Variants in PLEKHA2 observed in about 807,000 individuals in gnomAD.
PLEKHA2 encodes pleckstrin homology domain-containing family A member 2.
In PLEKHA2, 28 loss-of-function variants were observed where a neutral mutation model predicts 53.2. That is an observed-to-expected ratio of 0.53 (90% confidence interval 0.39 to 0.72). PLEKHA2 has a LOEUF of 0.72. Among genes scored for constraint, PLEKHA2 ranks in the 30% least tolerant of loss-of-function variants. The pLI is 0.00. For synonymous variants in PLEKHA2, 193 were observed against 196.4 expected (o/e 0.98, Z 0.14); for missense variants, 426 against 537.9 (o/e 0.79, Z 2.06).
At chr8:38,903,130 C>T (rs1175021895) in intron 1 of PLEKHA2, among the ~76,000 whole-genome samples, 1 of 152,214 alleles carries the variant, frequency 6.6e-6, no homozygotes, top group African/African-American at 2.4e-5. Context: ...TGTGGTTGTT[C>T]CTCAAACCTG....
chr8:38,945,827 G>A (rs1272735476), intron 4 of PLEKHA2, among the ~76,000 whole-genome samples: 1 of 152,166 alleles, frequency 6.6e-6, no homozygotes, highest in Non-Finnish European at 1.5e-5. Context: ...TCTTGTTGAC[G>A]GCAGACCAGC....
intron 11 of PLEKHA2, 82 bp from the exon 12 acceptor site, chr8:38,969,339 T>C (rs1408285027): frequency 6.7e-7 from 1 of 1,490,326 alleles, no homozygotes; most frequent in African/African-American, 1.4e-5. Context: ...CCTGGTTGGG[T>C]ACTCTTTCTG....
At chr8:38,918,272 A>G (rs1466359766) in intron 2 of PLEKHA2, among the ~76,000 whole-genome samples, 1 of 150,970 alleles carries the variant, frequency 6.6e-6, no homozygotes, top group Non-Finnish European at 1.5e-5. Flanking sequence ...CCCCATACAC[A>G]CCACACACAC....
intron 9 of PLEKHA2, among the ~76,000 whole-genome samples, chr8:38,955,843 A>G (rs980957088): frequency 2.8e-4 from 43 of 152,140 alleles, no homozygotes; most frequent in Non-Finnish European, 5.0e-4. Flanking sequence ...TTGTTGAGAT[A>G]GAGTCTTGCT....
chr8:38,932,280 G>T (rs904328180), intron 2 of PLEKHA2, among the ~76,000 whole-genome samples: 3 of 152,210 alleles, frequency 2.0e-5, no homozygotes, highest in Non-Finnish European at 4.4e-5. Context: ...ACAGGTGTGC[G>T]CCACTGCACC....
rs547836812 is a variant in PLEKHA2 at position 38,923,499 on chromosome 8, G to A, written c.141+5429G>A. ...TGGGATTACAGGCATGAGCTACCGC[G>A]CCCAGCCTGTAGGTGATCCTTACGT... On this transcript the variant is annotated intron_variant, in intron 2 of 11. Coordinates refer to ENST00000617275, the MANE Select transcript of PLEKHA2 (RefSeq NM_021623.2). Among the ~76,000 whole-genome samples, 126 of 152,272 alleles carry A rather than the reference G, an allele frequency of 8.3e-4. 1 individual carries two copies. Among genetic ancestry groups the A allele is most frequent in the Non-Finnish European group, 1.2e-3 (85 of 68,016 alleles).
intron 3 of PLEKHA2, among the ~76,000 whole-genome samples, chr8:38,941,654 G>A (rs933296463): frequency 2.0e-5 from 3 of 152,204 alleles, no homozygotes; most frequent in African/African-American, 7.2e-5. Flanking sequence ...TGTGTGGAGT[G>A]AGGCTTTAAA....
chr8:38,920,763 T>G (rs541544988), intron 2 of PLEKHA2, among the ~76,000 whole-genome samples: 5 of 151,776 alleles, frequency 3.3e-5, no homozygotes, highest in African/African-American at 1.2e-4. Flanking sequence ...AGGGTCTCAC[T>G]TTGTTGACCA....
chr8:38,942,513 A>G (rs916263880), intron 3 of PLEKHA2, among the ~76,000 whole-genome samples: 4 of 152,194 alleles, frequency 2.6e-5, no homozygotes, highest in East Asian at 1.9e-4. Flanking sequence ...CCCTAGGTGG[A>G]GGACATGTCG....
intron 9 of PLEKHA2, among the ~76,000 whole-genome samples, chr8:38,955,920 C>T (rs1834931015): frequency 1.3e-5 from 2 of 152,218 alleles, no homozygotes; most frequent in African/African-American, 4.8e-5. Context: ...AGGTGATCCT[C>T]CCGCCTCAGC....
intron 1 of PLEKHA2, among the ~76,000 whole-genome samples, chr8:38,904,083 G>A (rs1190570867): frequency 1.3e-5 from 2 of 152,186 alleles, no homozygotes; most frequent in South Asian, 2.1e-4. Flanking sequence ...TATTGAGATG[G>A]GGTATTGGAC....
chr8:38,917,304 C>T (rs1834078315), intron 1 of PLEKHA2, among the ~76,000 whole-genome samples: 1 of 152,110 alleles, frequency 6.6e-6, no homozygotes, highest in Non-Finnish European at 1.5e-5. Context: ...TCCATGTTTG[C>T]TTTGGTTGCC....
intron 2 of PLEKHA2, among the ~76,000 whole-genome samples, chr8:38,926,932 C>A (rs112676696): frequency 0.016 from 2,392 of 152,142 alleles, 60 homozygotes; most frequent in African/African-American, 0.054. Flanking sequence ...AACCAACCAA[C>A]CAAACAAACA....
At chr8:38,958,041 T>G (rs1224515222) in intron 10 of PLEKHA2, among the ~76,000 whole-genome samples, 1 of 152,126 alleles carries the variant, frequency 6.6e-6, no homozygotes, top group Non-Finnish European at 1.5e-5. Flanking sequence ...AAACTGACAC[T>G]TGGCCAGGCG....
At chr8:38,920,390 C>G (rs1487676187) in intron 2 of PLEKHA2, among the ~76,000 whole-genome samples, 3 of 151,930 alleles carry the variant, frequency 2.0e-5, no homozygotes, top group South Asian at 4.2e-4. Flanking sequence ...TCCTGACCTC[C>G]TTATCTGCCC....
chr8:38,969,551 C>T lies in PLEKHA2; in HGVS notation c.1046C>T (p.Ser349Phe). 1 of 1,612,334 alleles carries T rather than the reference C, an allele frequency of 6.2e-7. No individual in the cohort carries two copies. Among genetic ancestry groups the T allele is most frequent in the Non-Finnish European group, 8.5e-7 (1 of 1,179,142 alleles). ...AAGAAAGCCCTCTGCAAAGCCCCCT[C>T]TGTGGCCTCCTCCTGGCAGCCCTGG... is the stretch of plus-strand genomic sequence containing the variant. Reference protein sequence around the residue: ...EEKKALCKAPSVASSWQPWTP... With the variant: ...EEKKALCKAPFVASSWQPWTP... Residue 349 changes from serine (S) to phenylalanine (F), a missense_variant, in exon 12 of 12, where the codon TCT becomes TTT. Ser to Phe is a radical substitution (Grantham distance 155). Transcript: ENST00000617275.
chr8:38,928,351 C>T (rs1284028470), intron 2 of PLEKHA2, among the ~76,000 whole-genome samples: 1 of 148,956 alleles, frequency 6.7e-6, no homozygotes. Flanking sequence ...TGGGTTCAAG[C>T]GATTCTCCTA....
chr8:38,930,186 C>CTTTATTTA (rs112146378), intron 2 of PLEKHA2, among the ~76,000 whole-genome samples: 17,212 of 150,566 alleles, frequency 0.11, 1,202 homozygotes, highest in East Asian at 0.18. Context: ...AACCACCTAT[C>CTTTATTTA]TTTATTTATT....
intron 10 of PLEKHA2, among the ~76,000 whole-genome samples, chr8:38,958,452 C>G (rs575892021): frequency 6.6e-6 from 1 of 152,360 alleles, no homozygotes; most frequent in South Asian, 2.1e-4. Flanking sequence ...GAGTGTCACT[C>G]CCTGTTAAGC....
Sources: gnomAD v4.1 joint callset for allele counts (sites outside exome capture counted in the v4.1 genomes callset) on GRCh38, gnomAD v4.1.1 for gene constraint, MANE v1.5 for transcripts, NCBI Gene and HGNC (gene_info 2026-07-23, HGNC 2026-07-21) for gene names.